HNRNPC: variants seen among roughly 807,000 people sequenced by gnomAD.
HNRNPC encodes heterogeneous nuclear ribonucleoproteins C1/C2.
A neutral mutation model predicts 33.2 loss-of-function variants in HNRNPC; 3 were observed. That is an observed-to-expected ratio of 0.09 (90% CI 0.04 to 0.23). HNRNPC has a LOEUF of 0.23. HNRNPC is among the 10% of genes least tolerant of loss of function. The probability of loss-of-function intolerance (pLI) is 1.00; values close to 1 mark genes in which losing one functional copy is unlikely to be tolerated. For synonymous variants in HNRNPC, 121 were observed against 126.7 expected (o/e 0.96, Z 0.30); for missense variants, 143 against 366.7 (o/e 0.39, Z 4.98).
intron 2 of HNRNPC, among the ~76,000 whole-genome samples, chr14:21,245,084 C>CAAAAAAAAAAA (rs71112560): frequency 1.8e-5 from 1 of 54,622 alleles, no homozygotes; most frequent in Non-Finnish European, 3.9e-5. Flanking sequence ...GACTCCATCT[C>CAAAAAAAAAAA]AAAAAAAAAA....
intron 3 of HNRNPC, among the ~76,000 whole-genome samples, chr14:21,232,017 G>A (rs773927119): frequency 6.6e-6 from 1 of 152,018 alleles, no homozygotes; most frequent in Non-Finnish European, 1.5e-5. Flanking sequence ...CTGGGTTAAC[G>A]ACTGCTTTCT....
intron 5 of HNRNPC, among the ~76,000 whole-genome samples, chr14:21,228,256 T>C (rs1893696178): frequency 6.6e-6 from 1 of 152,214 alleles, no homozygotes; most frequent in Non-Finnish European, 1.5e-5. Context: ...GTCGGAGTTA[T>C]TTATATCCTA....
At chr14:21,218,053 C>T (rs1364958776) in intron 5 of HNRNPC, among the ~76,000 whole-genome samples, 1 of 152,046 alleles carries the variant, frequency 6.6e-6, no homozygotes, top group East Asian at 1.9e-4. Flanking sequence ...AAAAAAAAAT[C>T]CCTGGCTTTT....
chr14:21,211,611 C>T (rs375059313), intron 7 of HNRNPC, 45 bp from the exon 8 acceptor site: 11 of 1,572,188 alleles, frequency 7.0e-6, no homozygotes, highest in Admixed American at 1.8e-5. Flanking sequence ...GTAATGTCCA[C>T]AGGACGTAGA....
intron 2 of HNRNPC, among the ~76,000 whole-genome samples, chr14:21,237,513 G>A (rs1452822331): frequency 1.3e-5 from 2 of 152,192 alleles, no homozygotes; most frequent in African/African-American, 4.8e-5. Context: ...GGCTTACTCA[G>A]CTTCATCTGC....
In HNRNPC at chr14:21,231,217, C is replaced by G. The variant is rs1002348405; in HGVS notation, c.242-145G>C. 9.2e-6 allele frequency: 7 copies of G among 760,620 alleles called. No individual in the cohort carries two copies. The African/African-American group carries it at 1.2e-4, about 13-fold the overall frequency. 47.1% of individuals were successfully genotyped at this position (760,620 alleles called of 1,614,324 possible). ...TGGTGTCACCTTGGCTCACTGAAACCTCTACCTCCCGGTTCAAGCGATTCT... is the reference window on the plus strand; with the variant it reads ...TGGTGTCACCTTGGCTCACTGAAACGTCTACCTCCCGGTTCAAGCGATTCT... On this transcript the variant is annotated intron_variant, in intron 3 of 8. Transcript: ENST00000553300.
At position 21,234,044 on chromosome 14, in the gene HNRNPC, C is replaced by T. The variant is rs767840758; in HGVS notation, c.150G>A (p.Lys50=). The T allele has an allele frequency of 6.2e-7, 1 of 1,613,910 alleles. No homozygotes were observed. The highest frequency in any genetic ancestry group is 8.5e-7 in the Non-Finnish European group (1 of 1,179,860). The part of the protein sequence containing the change: ...YGKIVGCSVH[K]GFAFVQYVNE... ...TAACATACTGAACGAAGGCAAAGCC[C>T]TTATGAACAGAGCAGCCCACAATTT... Residue 50 remains lysine, a synonymous_variant, in exon 3 of 9, where the codon AAG becomes AAA. Transcript: ENST00000553300.
chr14:21,233,344 C>T (rs1309364721), intron 3 of HNRNPC, among the ~76,000 whole-genome samples: 1 of 152,052 alleles, frequency 6.6e-6, no homozygotes, highest in Non-Finnish European at 1.5e-5. Context: ...AACTAAATCA[C>T]AAATATAAAT....
At chr14:21,213,213 C>G in intron 5 of HNRNPC, 96 bp from the exon 6 acceptor site, 1 of 1,242,568 alleles carries the variant, frequency 8.0e-7, no homozygotes, top group Non-Finnish European at 1.1e-6. Flanking sequence ...AATATTGTCT[C>G]TAGTCGTTTC....
intron 5 of HNRNPC, among the ~76,000 whole-genome samples, chr14:21,228,157 C>A (rs1375599765): frequency 6.6e-6 from 1 of 152,210 alleles, no homozygotes; most frequent in Non-Finnish European, 1.5e-5. Context: ...ATGCTTCAGA[C>A]AAACTCACTG....
At chr14:21,244,663 T>C (rs551437560) in intron 2 of HNRNPC, among the ~76,000 whole-genome samples, 183 of 152,340 alleles carry the variant, frequency 1.2e-3, no homozygotes, top group Middle Eastern at 3.4e-3. Context: ...TGCATGAGAA[T>C]TGTATCGTTA....
At chr14:21,252,233 T>C (rs1276553012) in intron 2 of HNRNPC, among the ~76,000 whole-genome samples, 1 of 152,188 alleles carries the variant, frequency 6.6e-6, no homozygotes, top group Non-Finnish European at 1.5e-5. Context: ...GTTATCCCCG[T>C]AGAAATAAAA....
At chr14:21,244,495 A>G (rs1895729102) in intron 2 of HNRNPC, among the ~76,000 whole-genome samples, 1 of 152,200 alleles carries the variant, frequency 6.6e-6, no homozygotes, top group Non-Finnish European at 1.5e-5. Context: ...TCACTTACCA[A>G]TGGTGGAGCT....
At chr14:21,252,948 G>T (rs1040420919) in intron 2 of HNRNPC, among the ~76,000 whole-genome samples, 1 of 152,050 alleles carries the variant, frequency 6.6e-6, no homozygotes, top group Admixed American at 6.6e-5. Flanking sequence ...GGCCGAGGCC[G>T]GCAGATCACA....
At chr14:21,231,336 A>G (rs751753117) in intron 3 of HNRNPC, 1 of 561,462 alleles carries the variant, frequency 1.8e-6, no homozygotes, top group Non-Finnish European at 3.4e-6. Flanking sequence ...ACACAGACAC[A>G]TAAATTAGAA....
chr14:21,214,584 A>G (rs1891952180), intron 5 of HNRNPC, among the ~76,000 whole-genome samples: 1 of 151,218 alleles, frequency 6.6e-6, no homozygotes, highest in Admixed American at 6.9e-5. Flanking sequence ...TCTCAAAAAA[A>G]AAGAAAACAG....
intron 2 of HNRNPC, among the ~76,000 whole-genome samples, chr14:21,252,301 CTTG>C (rs1164283777): frequency 6.6e-6 from 1 of 152,108 alleles, no homozygotes; most frequent in South Asian, 2.1e-4. Flanking sequence ...ACTAAATGGA[CTTG>C]TTGGTCTTTT....
rs566460168 is a variant in HNRNPC, at chr14:21,255,832, A to G, written c.-37+7479T>C. Among the ~76,000 whole-genome samples, 4 of 152,344 alleles carry G rather than the reference A, an allele frequency of 2.6e-5. No homozygotes were observed. In the East Asian group the frequency reaches 7.7e-4, roughly 29 times the overall value. On this transcript the variant is annotated intron_variant, in intron 2 of 8. Coordinates refer to ENST00000553300, the MANE Select transcript of HNRNPC (RefSeq NM_004500.4). ...TTCTACAGTTGGTGATAAGTGCTAA[A>G]GAGTATTTAGGAGAAGGGGAGCTTA...
chr14:21,221,042 G>A (rs1471021802), intron 5 of HNRNPC, among the ~76,000 whole-genome samples: 7 of 152,078 alleles, frequency 4.6e-5, no homozygotes, highest in Non-Finnish European at 8.8e-5. Context: ...AGCTGAGATC[G>A]TGCCACTGCA....
Sources: gnomAD v4.1 joint callset for allele counts (sites outside exome capture counted in the v4.1 genomes callset) on GRCh38, gnomAD v4.1.1 for gene constraint, MANE v1.5 for transcripts, NCBI Gene and HGNC (gene_info 2026-07-23, HGNC 2026-07-21) for gene names.